GPR107: variants seen among roughly 807,000 people sequenced by gnomAD.
The protein encoded by GPR107 is G protein-coupled receptor 107.
In GPR107, 31 loss-of-function variants were observed where a neutral mutation model predicts 75.5. That is an observed-to-expected ratio of 0.41 (90% CI 0.31 to 0.55). The LOEUF (loss-of-function observed/expected upper bound fraction) is 0.55, where lower values mean the gene tolerates loss of function less well. Ranked by LOEUF, GPR107 falls within the 20% of genes least tolerant of loss-of-function variation. GPR107 has a pLI of 0.26. For synonymous variants in GPR107, 267 were observed against 251.3 expected, an observed-to-expected ratio of 1.06 and a Z score of -0.59; for missense variants, 572 against 665.7, an observed-to-expected ratio of 0.86 and a Z score of 1.55.
intron 14 of GPR107, among the ~76,000 whole-genome samples, chr9:130,121,962 C>T (rs1398879055): frequency 6.6e-6 from 1 of 151,914 alleles, no homozygotes; most frequent in Non-Finnish European, 1.5e-5. Context: ...GTGATCTCGG[C>T]TCACTGCAAG....
At chr9:130,085,771 T>TTTTTTTTTTTTTTTTTTTTTTG (rs1830600791) in intron 6 of GPR107, among the ~76,000 whole-genome samples, 1 of 133,416 alleles carries the variant, frequency 7.5e-6, no homozygotes, top group Non-Finnish European at 1.7e-5. Flanking sequence ...TTTTTTTTTT[T>TTTTTTTTTTTTTTTTTTTTTTG]GCCGGGGGGA....
chr9:130,090,825 T>C (rs749694652), intron 7 of GPR107, 51 bp from the exon 8 acceptor site: 7 of 665,680 alleles, frequency 1.1e-5, no homozygotes, highest in South Asian at 9.9e-5. Flanking sequence ...AGAAAAAATA[T>C]ATATCGCTGA....
chr9:130,107,432 C>T, intron 13 of GPR107, 64 bp from the exon 14 acceptor site: 1 of 932,298 alleles, frequency 1.1e-6, no homozygotes, highest in Non-Finnish European at 1.8e-6. Flanking sequence ...GTTACTAGAG[C>T]TGGAAATAGA....
chr9:130,126,033 G>T (rs1286694891), intron 15 of GPR107, among the ~76,000 whole-genome samples: 4 of 148,286 alleles, frequency 2.7e-5, no homozygotes, highest in Non-Finnish European at 6.0e-5. Flanking sequence ...CTCCAGCCTG[G>T]GCGACAGAGC....
intron 15 of GPR107, among the ~76,000 whole-genome samples, chr9:130,125,485 C>T (rs1050341064): frequency 6.6e-6 from 1 of 151,814 alleles, no homozygotes; most frequent in African/African-American, 2.4e-5. Context: ...AAAGATCCTC[C>T]CGCCTCAGTC....
In GPR107 at chr9:130,092,328, C is replaced by T. The variant is rs1481807340; in HGVS notation, c.810C>T (p.Ala270=). ...TCCCCAAATTATACATCTCAATGGC[C>T]TTTTTCTTCTTTCTTTCTGGGACCA... The part of the protein sequence containing the change: ...IPLPKLYISM[A]FFFFLSGTIW... Residue 270 remains alanine, a synonymous_variant, in exon 9 of 18, where the codon GCC becomes GCT. Coordinates refer to ENST00000347136, the MANE Select transcript of GPR107 (RefSeq NM_020960.5). The T allele has an allele frequency of 4.3e-6, 7 of 1,610,044 alleles. No individual in the cohort carries two copies. The highest frequency in any genetic ancestry group is 6.0e-6 in the Non-Finnish European group (7 of 1,176,254).
chr9:130,115,007 G>C (rs1831387385), intron 14 of GPR107, among the ~76,000 whole-genome samples: 1 of 152,190 alleles, frequency 6.6e-6, no homozygotes, highest in South Asian at 2.1e-4. Flanking sequence ...CATATAAACA[G>C]ACCTAACAAA....
chr9:130,067,966 C>A (rs1589484630), intron 1 of GPR107, among the ~76,000 whole-genome samples: 2 of 151,992 alleles, frequency 1.3e-5, no homozygotes, highest in South Asian at 4.2e-4. Context: ...GCTCAAACTT[C>A]TGACTTCAAG....
chr9:130,124,993 C>T (rs1404165494), intron 15 of GPR107, 29 bp downstream of exon 15: 1 of 1,127,230 alleles, frequency 8.9e-7, no homozygotes, highest in Non-Finnish European at 1.3e-6. Context: ...AATCCTCAAT[C>T]TATAAATAAA....
chr9:130,074,293 G>C (rs865979191), intron 1 of GPR107, among the ~76,000 whole-genome samples: 7 of 152,148 alleles, frequency 4.6e-5, no homozygotes, highest in Admixed American at 1.3e-4. Context: ...CCAAAGATCT[G>C]CTCCACAGCC....
chr9:130,075,418 G>T (rs1450909264), intron 1 of GPR107, among the ~76,000 whole-genome samples: 1 of 151,694 alleles, frequency 6.6e-6, no homozygotes, highest in Non-Finnish European at 1.5e-5. Context: ...CTAACTTTTT[G>T]TATTTTTAGT....
chr9:130,139,122 C>CA lies in GPR107; in HGVS notation c.*4002dup, dbSNP rs1471465178. On this transcript the variant is annotated 3_prime_UTR_variant, in exon 18 of 18. Coordinates refer to ENST00000347136, the MANE Select transcript of GPR107 (RefSeq NM_020960.5). ...GACCCGCCCCTGGCCTTGTAAGACT[C>CA]ACGTAAGCTAAGTCCAGGATGCCTG... 5 of 152,318 alleles carry CA rather than the reference C, an allele frequency of 3.3e-5. No individual in the cohort carries two copies. Among genetic ancestry groups the CA allele is most frequent in the Admixed American group, 1.3e-4 (2 of 15,280 alleles). The allele number at this position is 152,318 out of a possible 1,614,324, so 9.4% of individuals were successfully genotyped here.
intron 9 of GPR107, among the ~76,000 whole-genome samples, chr9:130,094,187 G>A (rs981874668): frequency 2.6e-5 from 4 of 152,130 alleles, no homozygotes; most frequent in African/African-American, 4.8e-5. Flanking sequence ...GTACACGCCT[G>A]TAATCCTAGC....
intron 1 of GPR107, among the ~76,000 whole-genome samples, chr9:130,062,640 GCCTGCCTGCCTGCCTGCCTGCCTT>G (rs1564657602): frequency 3.1e-4 from 31 of 99,080 alleles, no homozygotes; most frequent in African/African-American, 9.8e-4. Context: ...CTTCCTGCCT[GCCTGCCTGCCTGCCTGCCTGCCTT>G]CCTTCCTTCC....
At chr9:130,114,477 G>A in intron 14 of GPR107, 1 of 329,758 alleles carries the variant, frequency 3.0e-6, no homozygotes, top group Non-Finnish European at 6.0e-6. Flanking sequence ...CAAACTCCTA[G>A]GCTCATGTGA....
chr9:130,095,832 A>G (rs1438052600), intron 9 of GPR107, among the ~76,000 whole-genome samples: 1 of 152,168 alleles, frequency 6.6e-6, no homozygotes, highest in Non-Finnish European at 1.5e-5. Flanking sequence ...GGAGTCTTAG[A>G]GTCAGTTCTG....
chr9:130,115,689 C>T (rs894844672), intron 14 of GPR107, among the ~76,000 whole-genome samples: 2 of 6,668 alleles, frequency 3.0e-4, no homozygotes, highest in Non-Finnish European at 1.1e-3. Flanking sequence ...GGTGTGAAAC[C>T]GGGAGACAGC....
intron 16 of GPR107, among the ~76,000 whole-genome samples, chr9:130,128,345 G>C (rs1216669299): frequency 6.6e-6 from 1 of 152,162 alleles, no homozygotes; most frequent in Non-Finnish European, 1.5e-5. Context: ...AACTCACTGG[G>C]TGCTGTAGGC....
In GPR107 at chr9:130,059,733, CTT is replaced by C. The variant is rs61429853; in HGVS notation, c.141+5682_141+5683del. Among the ~76,000 whole-genome samples, 545 of 144,370 alleles carry C rather than the reference CTT, an allele frequency of 3.8e-3. 1 individual carries two copies. The highest frequency in any genetic ancestry group is 7.6e-3 in the South Asian group (35 of 4,614). The allele number at this position is 144,370 out of a possible 152,430, so 94.7% of individuals were successfully genotyped here. On this transcript the variant is annotated intron_variant, in intron 1 of 17. Coordinates refer to ENST00000347136, the MANE Select transcript of GPR107 (RefSeq NM_020960.5). ...CTCATACTGTGATCAGTTAATACGT[CTT>C]TTTTTTTTTTTTTTTTTTTTTGAGA... is the stretch of plus-strand genomic sequence containing the variant.
Sources: gnomAD v4.1 joint callset for allele counts (sites outside exome capture counted in the v4.1 genomes callset) on GRCh38, gnomAD v4.1.1 for gene constraint, MANE v1.5 for transcripts, NCBI Gene and HGNC (gene_info 2026-07-23, HGNC 2026-07-21) for gene names.